The following SND1 variants were observed in gnomAD, a reference collection of about 807,000 sequenced individuals.
The protein encoded by SND1 is staphylococcal nuclease and tudor domain containing 1.
In SND1, 38 loss-of-function variants were observed where a neutral mutation model predicts 121.7. The observed-to-expected ratio is 0.31, with a 90% CI of 0.24 to 0.41. The LOEUF (loss-of-function observed/expected upper bound fraction) is 0.41. SND1 is among the 10% of genes least tolerant of loss of function. SND1 has a pLI of 1.00. For missense variants in SND1, 868 were observed against 1,184.6 expected, an observed-to-expected ratio of 0.73 and a Z score of 3.92; for synonymous variants, 401 against 447.4, an observed-to-expected ratio of 0.90 and a Z score of 1.31.
chr7:127,950,859 A>G lies in SND1; in HGVS notation c.1669+21530A>G, dbSNP rs139355856. Among the ~76,000 whole-genome samples, 12 of 152,350 alleles carry G rather than the reference A, an allele frequency of 7.9e-5. No homozygotes were observed. The East Asian group carries it at 2.3e-3, about 29-fold the overall frequency. On this transcript the variant is annotated intron_variant, in intron 15 of 23. Coordinates refer to ENST00000354725, the MANE Select transcript of SND1 (RefSeq NM_014390.4). ...ATCAAAAAACTAAAAGATAGCAAGTATGAGCAAGAACCAATTTATTATTTT... is the reference window on the plus strand; with the variant it reads ...ATCAAAAAACTAAAAGATAGCAAGTGTGAGCAAGAACCAATTTATTATTTT...
intron 16 of SND1, chr7:128,000,057 G>T: frequency 7.5e-6 from 1 of 133,302 alleles, no homozygotes; most frequent in African/African-American, 2.9e-5. Context: ...ACTGCTTCTT[G>T]AGCTTTGGTG....
At chr7:128,088,281 A>G (rs1793717809) in intron 21 of SND1, among the ~76,000 whole-genome samples, 2 of 23,542 alleles carry the variant, frequency 8.5e-5, no homozygotes, top group Non-Finnish European at 2.4e-4. Context: ...CCTGTCTCTA[A>G]AAAAAAAAAA....
chr7:127,757,028 C>A (rs1797209488), intron 10 of SND1, among the ~76,000 whole-genome samples: 1 of 151,922 alleles, frequency 6.6e-6, no homozygotes, highest in Admixed American at 6.6e-5. Flanking sequence ...ATGCATAAAC[C>A]AGTGTATCTA....
At chr7:127,829,496 T>C (rs1334422520) in intron 11 of SND1, among the ~76,000 whole-genome samples, 1 of 152,202 alleles carries the variant, frequency 6.6e-6, no homozygotes, top group Non-Finnish European at 1.5e-5. Flanking sequence ...TCTGATAGCT[T>C]AGTTTGTGTT....
chr7:127,991,557 C>T (rs963197910), intron 16 of SND1, among the ~76,000 whole-genome samples: 4 of 152,156 alleles, frequency 2.6e-5, no homozygotes, highest in African/African-American at 7.2e-5. Flanking sequence ...TGGTGCCCTT[C>T]TACCTGCTAA....
intron 11 of SND1, among the ~76,000 whole-genome samples, chr7:127,808,281 G>C (rs906243313): frequency 2.6e-5 from 4 of 151,170 alleles, no homozygotes; most frequent in African/African-American, 9.7e-5. Flanking sequence ...TACCACCTCA[G>C]CCTCCAGAAT....
intron 11 of SND1, among the ~76,000 whole-genome samples, chr7:127,830,062 A>G (rs940517444): frequency 2.0e-5 from 3 of 152,182 alleles, no homozygotes; most frequent in African/African-American, 7.2e-5. Context: ...GTAAATCTGT[A>G]TGTTAATGCT....
intron 12 of SND1, among the ~76,000 whole-genome samples, chr7:127,851,786 G>A (rs1799168849): frequency 6.6e-6 from 1 of 152,004 alleles, no homozygotes; most frequent in Non-Finnish European, 1.5e-5. Flanking sequence ...TAATTGTTCT[G>A]TCTTAATAGC....
intron 16 of SND1, among the ~76,000 whole-genome samples, chr7:128,047,000 G>A (rs1224827540): frequency 6.6e-6 from 1 of 152,094 alleles, no homozygotes; most frequent in East Asian, 1.9e-4. Flanking sequence ...AGAAATACAT[G>A]TACTTATATC....
At chr7:127,759,217 GT>G in intron 10 of SND1, among the ~76,000 whole-genome samples, 1 of 152,280 alleles carries the variant, frequency 6.6e-6, no homozygotes, top group East Asian at 1.9e-4. Context: ...GATGGTGTCT[GT>G]CAGGCTTTTT....
At chr7:128,067,566 A>G (rs777508680) in intron 16 of SND1, among the ~76,000 whole-genome samples, 2 of 151,936 alleles carry the variant, frequency 1.3e-5, no homozygotes, top group East Asian at 3.9e-4. Flanking sequence ...GCTCTTTTCT[A>G]CTTGGGACCT....
chr7:127,982,297 G>A (rs1272599068), intron 15 of SND1, among the ~76,000 whole-genome samples: 2 of 152,158 alleles, frequency 1.3e-5, no homozygotes, highest in Non-Finnish European at 2.9e-5. Flanking sequence ...TTCAACAAAT[G>A]CATCAAACAT....
intron 10 of SND1, among the ~76,000 whole-genome samples, chr7:127,752,160 G>A (rs776222836): frequency 3.3e-5 from 5 of 152,064 alleles, no homozygotes; most frequent in Non-Finnish European, 7.3e-5. Context: ...TAACTGGAGA[G>A]TTTATTCCAG....
chr7:127,814,453 G>A (rs1455367569), intron 11 of SND1, among the ~76,000 whole-genome samples: 1 of 152,088 alleles, frequency 6.6e-6, no homozygotes, highest in Non-Finnish European at 1.5e-5. Flanking sequence ...ATACTGTGCA[G>A]AATATCTTAT....
At chr7:128,083,814 G>C (rs1361324336) in intron 18 of SND1, among the ~76,000 whole-genome samples, 1 of 152,192 alleles carries the variant, frequency 6.6e-6, no homozygotes, top group Non-Finnish European at 1.5e-5. Context: ...AAAAAGGTCT[G>C]AGACTGAGCT....
At chr7:127,864,721 C>G (rs1423317747) in intron 12 of SND1, among the ~76,000 whole-genome samples, 1 of 152,186 alleles carries the variant, frequency 6.6e-6, no homozygotes, top group African/African-American at 2.4e-5. Context: ...CTTCCCTGCA[C>G]TATGGATTTT....
At chr7:128,086,228 G>A (rs115655346) in intron 20 of SND1, among the ~76,000 whole-genome samples, 40 of 152,346 alleles carry the variant, frequency 2.6e-4, no homozygotes, top group African/African-American at 9.1e-4. Context: ...GCACCCTTGG[G>A]AGAAAAATTT....
chr7:127,826,380 G>A (rs1198957904), intron 11 of SND1, among the ~76,000 whole-genome samples: 3 of 151,740 alleles, frequency 2.0e-5, no homozygotes, highest in Non-Finnish European at 4.4e-5. Context: ...TAATAAACAA[G>A]CCATACTGTA....
chr7:127,944,872 A>G (rs1235515027), intron 15 of SND1, among the ~76,000 whole-genome samples: 3 of 152,208 alleles, frequency 2.0e-5, no homozygotes, highest in Non-Finnish European at 4.4e-5. Flanking sequence ...ATTTCTTCTT[A>G]TCACATATTC....
Sources: allele counts gnomAD v4.1 joint callset (sites outside exome capture counted in the v4.1 genomes callset), GRCh38; gene constraint gnomAD v4.1.1; transcripts MANE v1.5; gene names NCBI Gene and HGNC (gene_info 2026-07-23, HGNC 2026-07-21).